Variants in LIN7A observed in about 807,000 individuals in gnomAD.
LIN7A encodes the protein lin-7 cell polarity scaffold A, also known as protein lin-7 homolog A.
A neutral mutation model predicts 29.8 loss-of-function variants in LIN7A; 25 were observed. The observed-to-expected ratio is 0.84, with a 90% CI of 0.61 to 1.17. LIN7A has a LOEUF of 1.17. Among genes scored for constraint, LIN7A ranks in the 50% most tolerant of loss-of-function variants. LIN7A has a pLI of 0.00. For missense variants in LIN7A, 239 were observed against 287.0 expected, an observed-to-expected ratio of 0.83 and a Z score of 1.21; for synonymous variants, 118 against 107.5, an observed-to-expected ratio of 1.10 and a Z score of -0.60.
intron 1 of LIN7A, among the ~76,000 whole-genome samples, chr12:80,918,447 A>G (rs1877131508): frequency 6.6e-6 from 1 of 151,734 alleles, no homozygotes; most frequent in South Asian, 2.1e-4. Flanking sequence ...GCATAATGCA[A>G]CTCTAATGTC....
Position 80,794,781 on chromosome 12 carries a change from T to C in LIN7A, c.*2946A>G, listed in dbSNP as rs1870371240. 6.6e-6 allele frequency: 1 copy of C among 152,174 alleles called. No individual in the cohort carries two copies. Among genetic ancestry groups the C allele is most frequent in the South Asian group, 2.1e-4 (1 of 4,832 alleles). 9.4% of individuals were successfully genotyped at this position (152,174 alleles called of 1,614,324 possible). ...GGAAACACAAAAGTCTGTTATTCTTTCCAAAGTCAATTGTAACTTAAGCTC... is the reference window on the plus strand; with the variant it reads ...GGAAACACAAAAGTCTGTTATTCTTCCCAAAGTCAATTGTAACTTAAGCTC... On this transcript the variant is annotated 3_prime_UTR_variant, in exon 6 of 6. Coordinates refer to ENST00000552864, the MANE Select transcript of LIN7A (RefSeq NM_004664.4).
At chr12:80,915,438 G>A (rs1197202192) in intron 1 of LIN7A, among the ~76,000 whole-genome samples, 1 of 152,200 alleles carries the variant, frequency 6.6e-6, no homozygotes, top group African/African-American at 2.4e-5. Flanking sequence ...ATGTAAAACA[G>A]TCCAGCCGTT....
At chr12:80,864,182 G>A (rs1473668048) in intron 2 of LIN7A, among the ~76,000 whole-genome samples, 1 of 152,058 alleles carries the variant, frequency 6.6e-6, no homozygotes, top group Non-Finnish European at 1.5e-5. Flanking sequence ...GTTGAAATCA[G>A]CTGACCCAGA....
At chr12:80,898,392 G>A (rs189912733) in intron 1 of LIN7A, among the ~76,000 whole-genome samples, 251 of 152,254 alleles carry the variant, frequency 1.6e-3, no homozygotes, top group African/African-American at 5.0e-3. Flanking sequence ...ATAGTTTGAA[G>A]TTAGGAACTG....
intron 4 of LIN7A, among the ~76,000 whole-genome samples, chr12:80,817,925 G>A (rs1871609015): frequency 6.6e-6 from 1 of 152,064 alleles, no homozygotes; most frequent in African/African-American, 2.4e-5. Flanking sequence ...AGGAACTAAT[G>A]GCAAGAAAAA....
intron 2 of LIN7A, among the ~76,000 whole-genome samples, chr12:80,872,515 T>C (rs1261204815): frequency 6.6e-6 from 1 of 152,164 alleles, no homozygotes; most frequent in African/African-American, 2.4e-5. Flanking sequence ...TCTTCAAACA[T>C]TTAAAACATT....
chr12:80,800,783 C>T (rs915566829), intron 5 of LIN7A, among the ~76,000 whole-genome samples: 3 of 151,624 alleles, frequency 2.0e-5, no homozygotes, highest in South Asian at 2.1e-4. Context: ...CAAAGCCAGA[C>T]GAAGACACTA....
At chr12:80,859,093 T>C (rs7962317) in intron 2 of LIN7A, among the ~76,000 whole-genome samples, 64,791 of 151,990 alleles carry the variant, frequency 0.43, 14,253 homozygotes, top group East Asian at 0.67. Flanking sequence ...CCAATTAAAT[T>C]AGAATTTCAG....
At chr12:80,819,876 G>A (rs957011212) in intron 4 of LIN7A, among the ~76,000 whole-genome samples, 2 of 152,192 alleles carry the variant, frequency 1.3e-5, no homozygotes, top group African/African-American at 4.8e-5. Flanking sequence ...GGCTTTAGAT[G>A]TTTACAGACA....
chr12:80,933,070 T>C (rs1483110943), intron 1 of LIN7A, among the ~76,000 whole-genome samples: 2 of 152,214 alleles, frequency 1.3e-5, no homozygotes, highest in South Asian at 2.1e-4. Flanking sequence ...ACATAAAATA[T>C]TGGACTAAAA....
Position 80,928,667 on chromosome 12 carries a change from C to A in LIN7A, c.82+8974G>T, listed in dbSNP as rs1877733265. ...TGCCTGTTCTCTCTGATGATAGTTT[C>A]TTTTGCTGTTCAGGAGCTCTTTAGT... On this transcript the variant is annotated intron_variant, in intron 1 of 5. Coordinates refer to ENST00000552864, the MANE Select transcript of LIN7A (RefSeq NM_004664.4). 1.3e-5 allele frequency among the ~76,000 whole-genome samples: 2 copies of A among 152,082 alleles called. 1 individual carries two copies. Among genetic ancestry groups the A allele is most frequent in the East Asian group, 3.9e-4 (2 of 5,194 alleles).
At chr12:80,840,888 T>C (rs1872775650) in intron 4 of LIN7A, among the ~76,000 whole-genome samples, 2 of 152,320 alleles carry the variant, frequency 1.3e-5, no homozygotes, top group African/African-American at 2.4e-5. Context: ...TCCTAATCTC[T>C]GATTAAAACT....
Position 80,807,565 on chromosome 12 carries a change from A to G in LIN7A, c.*3900T>C, listed in dbSNP as rs1323050185. Among the ~76,000 whole-genome samples, 4 of 152,308 alleles carry G rather than the reference A, an allele frequency of 2.6e-5. No homozygotes were observed. In the East Asian group the frequency reaches 7.7e-4, roughly 29 times the overall value. On this transcript the variant is annotated intron_variant, in intron 5 of 5. Transcript: ENST00000552864. ...AAATACTTGCACAATTTTACTATGGACCAATGTGGCAAATCAATTAGGAGA... is the reference window on the plus strand; with the variant it reads ...AAATACTTGCACAATTTTACTATGGGCCAATGTGGCAAATCAATTAGGAGA...
chr12:80,829,875 G>T (rs1160034394), intron 4 of LIN7A, among the ~76,000 whole-genome samples: 1 of 152,112 alleles, frequency 6.6e-6, no homozygotes, highest in Non-Finnish European at 1.5e-5. Context: ...ATCCACATCT[G>T]GTGGCCCTGC....
chr12:80,847,799 G>A (rs1409089051), intron 3 of LIN7A, among the ~76,000 whole-genome samples: 1 of 152,130 alleles, frequency 6.6e-6, no homozygotes, highest in Non-Finnish European at 1.5e-5. Context: ...CTTTCAGCAA[G>A]TTACCCACTG....
intron 2 of LIN7A, among the ~76,000 whole-genome samples, chr12:80,857,405 T>C (rs977118069): frequency 1.3e-5 from 2 of 152,114 alleles, no homozygotes; most frequent in African/African-American, 4.8e-5. Flanking sequence ...TAGTAATCCC[T>C]GAGAAGGAAG....
intron 2 of LIN7A, among the ~76,000 whole-genome samples, chr12:80,873,450 T>C (rs1342754300): frequency 1.3e-5 from 2 of 151,648 alleles, no homozygotes; most frequent in Non-Finnish European, 2.9e-5. Flanking sequence ...GGAGGACTGC[T>C]TGAGCCCAGG....
chr12:80,907,514 T>C (rs1407324287), intron 1 of LIN7A, among the ~76,000 whole-genome samples: 1 of 152,194 alleles, frequency 6.6e-6, no homozygotes, highest in Non-Finnish European at 1.5e-5. Flanking sequence ...TTTTGAAATT[T>C]GTTTAATTTA....
Position 80,794,822 on chromosome 12 carries a change from A to G in LIN7A, c.*2905T>C, listed in dbSNP as rs1870373922. The G allele has an allele frequency of 6.6e-6, 1 of 152,168 alleles. No individual in the cohort carries two copies. The highest frequency in any genetic ancestry group is 1.5e-5 in the Non-Finnish European group (1 of 68,002). The allele number at this position is 152,168 out of a possible 1,614,324, so 9.4% of individuals were successfully genotyped here. ...ACTTAAGCTCATTATCTCCCTGCAG[A>G]TGTTCTATTTCAAATGACAACAGAA... On this transcript the variant is annotated 3_prime_UTR_variant, in exon 6 of 6. Coordinates refer to ENST00000552864, the MANE Select transcript of LIN7A (RefSeq NM_004664.4).
Sources: allele counts gnomAD v4.1 joint callset (sites outside exome capture counted in the v4.1 genomes callset), GRCh38; gene constraint gnomAD v4.1.1; transcripts MANE v1.5; gene names NCBI Gene and HGNC (gene_info 2026-07-23, HGNC 2026-07-21).